The following AK1 variants were observed in gnomAD, a reference collection of about 807,000 sequenced individuals.
AK1 encodes the protein adenylate kinase isoenzyme 1.
A neutral mutation model predicts 23.9 loss-of-function variants in AK1; 13 were observed. The ratio of observed to expected loss-of-function variants is 0.54; its 90% CI spans 0.35 to 0.86. The LOEUF (loss-of-function observed/expected upper bound fraction) is 0.86, where lower values mean the gene tolerates loss of function less well. AK1 is among the 40% of genes least tolerant of loss of function. The probability of loss-of-function intolerance (pLI) is 0.01; values close to 1 mark genes in which losing one functional copy is unlikely to be tolerated. For missense variants in AK1, 214 were observed against 255.1 expected (o/e 0.84, Z 1.10); for synonymous variants, 97 against 102.8 (o/e 0.94, Z 0.34).
chr9:127,873,557 T>A, intron 2 of AK1: 1 of 1,434,580 alleles, frequency 7.0e-7, no homozygotes, highest in Non-Finnish European at 9.1e-7. Flanking sequence ...CCACAACATA[T>A]GTTGCCATGG....
chr9:127,879,112 G>A (rs1032832513), upstream of AK1, among the ~76,000 whole-genome samples: 11 of 150,330 alleles, frequency 7.3e-5, no homozygotes, highest in Non-Finnish European at 2.9e-5. Flanking sequence ...GTCTTCAAAT[G>A]CGCCCTTCTA....
Position 127,872,736 on chromosome 9 carries a change from C to A in AK1, c.161G>T (p.Gly54Val), listed in dbSNP as rs1829443751. 1.2e-6 allele frequency: 2 copies of A among 1,614,166 alleles called. No homozygotes were observed. Among genetic ancestry groups the A allele is most frequent in the Non-Finnish European group, 1.7e-6 (2 of 1,180,032 alleles). Residue 54 changes from glycine (G) to valine (V), a missense_variant, in exon 4 of 7, where the codon GGC (glycine) becomes GTC (valine). Physicochemically the swap from Gly to Val is moderately radical, Grantham distance 109. Coordinates refer to ENST00000644144, the MANE Select transcript of AK1 (RefSeq NM_000476.3). ...RSEVSSGSARGKKLSEIMEKG... is the reference protein window; with the variant it reads ...RSEVSSGSARVKKLSEIMEKG... Reference sequence around the variant, plus strand: ...CTCCATGATTTCCGACAGCTTCTTGCCCCTGGCCGAGCCTGAGCTGACCTC... The same window carrying A: ...CTCCATGATTTCCGACAGCTTCTTGACCCTGGCCGAGCCTGAGCTGACCTC...
At chr9:127,876,666 C>T (rs895444084) in intron 1 of AK1, among the ~76,000 whole-genome samples, 4 of 151,122 alleles carry the variant, frequency 2.6e-5, no homozygotes, top group South Asian at 2.1e-4. Context: ...CGCCCTGCCC[C>T]GCCCCCCTCC....
Position 127,872,802 on chromosome 9 carries a change from T to C in AK1, c.95A>G (p.Tyr32Cys). 6.2e-7 allele frequency: 1 copy of C among 1,614,026 alleles called. No homozygotes were observed. The highest frequency in any genetic ancestry group is 8.5e-7 in the Non-Finnish European group (1 of 1,180,006). ...CCCGGTGGAGAGGTGGGTGTAGCCA[T>C]ACTTCTGCACGATCTTCTCACACTG... is the stretch of plus-strand genomic sequence containing the variant. Reference protein sequence around the residue: ...GTQCEKIVQKYGYTHLSTGDL... With the variant: ...GTQCEKIVQKCGYTHLSTGDL... The change falls in exon 4 of 7, where the codon TAT becomes TGT. Residue 32 changes from tyrosine (Y) to cysteine (C), a missense_variant. Transcript: ENST00000644144.
chr9:127,872,748 C>G lies in AK1; in HGVS notation c.149G>C (p.Gly50Ala). ...CGACAGCTTCTTGCCCCTGGCCGAG[C>G]CTGAGCTGACCTCGGACCGCAGGAG... ...GDLLRSEVSSGSARGKKLSEI... is the reference protein window; with the variant it reads ...GDLLRSEVSSASARGKKLSEI... Residue 50 changes from glycine (G) to alanine (A), a missense_variant, in exon 4 of 7, where the codon GGC becomes GCC. Physicochemically the swap from Gly to Ala is moderately conservative, Grantham distance 60. Transcript: ENST00000644144. The G allele has an allele frequency of 6.2e-7, 1 of 1,614,176 alleles. No individual in the cohort carries two copies. The highest frequency in any genetic ancestry group is 8.5e-7 in the Non-Finnish European group (1 of 1,180,020).
rs1829481303 is a variant in AK1 at position 127,874,036 on chromosome 9, AG to A, written c.7+574del. 3 of 985,302 alleles carry A rather than the reference AG, an allele frequency of 3.0e-6. No individual in the cohort carries two copies. In the South Asian group the frequency reaches 1.4e-4, roughly 46 times the overall value. The allele number at this position is 985,302 out of a possible 1,614,324, so 61.0% of individuals were successfully genotyped here. On this transcript the variant is annotated intron_variant, in intron 2 of 6. Coordinates refer to ENST00000644144, the MANE Select transcript of AK1 (RefSeq NM_000476.3). ...CTATGGCTGTTGATATTTGGAGCTC[AG>A]GCAGAGCAGCAGCAGCAGCAGCAGC...
upstream of AK1, among the ~76,000 whole-genome samples, chr9:127,879,109 A>G (rs566542226): frequency 1.0e-4 from 15 of 150,386 alleles, no homozygotes; most frequent in African/African-American, 3.2e-4. Flanking sequence ...ACAGTCTTCA[A>G]ATGCGCCCTT....
rs1829293456 is a variant in AK1, at chr9:127,868,229, G to C, written c.516+92C>G. ...CAGTGGGGAAACCAAGGCCCAGAGAGAGGGGCTGGCCTGAGGCCACACAGT... is the reference window on the plus strand; with the variant it reads ...CAGTGGGGAAACCAAGGCCCAGAGACAGGGGCTGGCCTGAGGCCACACAGT... On this transcript the variant is annotated intron_variant, in intron 6 of 6. Transcript: ENST00000644144. This position sits in a 1 kb window ranked among gnomAD's most constrained non-coding sequence, Gnocchi z 4.1. 3.4e-6 allele frequency: 5 copies of C among 1,465,588 alleles called. No individual in the cohort carries two copies. The South Asian group carries it at 6.0e-5, about 18-fold the overall frequency. The allele number at this position is 1,465,588 out of a possible 1,614,324, so 90.8% of individuals were successfully genotyped here.
At chr9:127,872,899 G>C (rs1458124660) in intron 3 of AK1, 46 bp from the exon 4 acceptor site, 2 of 1,613,416 alleles carry the variant, frequency 1.2e-6, no homozygotes, top group Non-Finnish European at 1.7e-6. Context: ...CAGGGTCCCA[G>C]GAGGAACAGG....
chr9:127,873,427 C>A, intron 2 of AK1: 1 of 1,562,748 alleles, frequency 6.4e-7, no homozygotes, highest in Non-Finnish European at 8.6e-7. Flanking sequence ...CTGCGGGGGT[C>A]ACTCGAGGAG....
At chr9:127,875,185 C>T (rs1829509525) in intron 1 of AK1, among the ~76,000 whole-genome samples, 1 of 152,172 alleles carries the variant, frequency 6.6e-6, no homozygotes, top group East Asian at 1.9e-4. Flanking sequence ...AGGAGCCGCT[C>T]GCATGAACAC....
Position 127,867,900 on chromosome 9 carries a change from G to T in AK1, c.*108C>A. ...GAAAACAGGATAAGCGGCTTCCTCCGTCTGTGCTCAGCAGGGCAGGGTGGA... is the reference window on the plus strand; with the variant it reads ...GAAAACAGGATAAGCGGCTTCCTCCTTCTGTGCTCAGCAGGGCAGGGTGGA... On this transcript the variant is annotated 3_prime_UTR_variant, in exon 7 of 7. Transcript: ENST00000644144. The T allele has an allele frequency of 9.3e-7, 1 of 1,071,670 alleles. No homozygotes were observed. Among genetic ancestry groups the T allele is most frequent in the South Asian group, 1.3e-5 (1 of 79,126 alleles). 66.4% of individuals were successfully genotyped at this position (1,071,670 alleles called of 1,614,324 possible). A position where few individuals can be genotyped will look rare whatever the true frequency, so the allele number is the denominator to read the frequency against.
rs1378708857 is a variant in AK1, at chr9:127,871,770, G to A, written c.324+53C>T. The A allele has an allele frequency of 2.0e-6, 3 of 1,485,868 alleles. No individual in the cohort carries two copies. In the East Asian group the frequency reaches 6.8e-5, roughly 34 times the overall value. 92.0% of individuals were successfully genotyped at this position (1,485,868 alleles called of 1,614,324 possible). On this transcript the variant is annotated intron_variant, in intron 5 of 6. Coordinates refer to ENST00000644144, the MANE Select transcript of AK1 (RefSeq NM_000476.3). The surrounding 1 kb of genome is among the most constrained non-coding windows in gnomAD (Gnocchi z 4.4). ...CCCGCAGGCCCGCCCATGGGGATGG[G>A]AGTCTTATCCTGCCCCAGCCCACCA...
chr9:127,876,541 G>A (rs1051814294), intron 1 of AK1, among the ~76,000 whole-genome samples: 2 of 152,194 alleles, frequency 1.3e-5, no homozygotes, highest in Middle Eastern at 3.2e-3. Flanking sequence ...TTCCTGCTGA[G>A]TGTGCTTCAG....
upstream of AK1, chr9:127,878,263 A>G (rs1211756324): frequency 6.6e-6 from 1 of 152,250 alleles, no homozygotes. Flanking sequence ...CCAGTAAGGT[A>G]GAAGATTATA....
intron 2 of AK1, 61 bp from the exon 3 acceptor site, chr9:127,873,122 C>A (rs903220802): frequency 1.3e-6 from 2 of 1,588,448 alleles, no homozygotes; most frequent in Admixed American, 1.8e-5. Context: ...CCAGAGGCAC[C>A]TCTGGAGTCC....
chr9:127,867,764 G>C lies in AK1; in HGVS notation c.*244C>G. The C allele has an allele frequency of 2.0e-6, 1 of 504,978 alleles. No homozygotes were observed. The highest frequency in any genetic ancestry group is 2.1e-5 in the South Asian group (1 of 48,404). The allele number at this position is 504,978 out of a possible 1,614,324, so 31.3% of individuals were successfully genotyped here. A position where few individuals can be genotyped will look rare whatever the true frequency, so the allele number is the denominator to read the frequency against. ...GGAGGAACGGAGGGTTGAGGGGCTGGGGACTTGCGGCCAGGTAGGCACAAG... is the reference window on the plus strand; with the variant it reads ...GGAGGAACGGAGGGTTGAGGGGCTGCGGACTTGCGGCCAGGTAGGCACAAG... On this transcript the variant is annotated 3_prime_UTR_variant, in exon 7 of 7. Transcript: ENST00000644144.
chr9:127,871,740 C>A lies in AK1; in HGVS notation c.324+83G>T. The A allele has an allele frequency of 8.8e-7, 1 of 1,130,726 alleles. No individual in the cohort carries two copies. The highest frequency in any genetic ancestry group is 1.3e-6 in the Non-Finnish European group (1 of 751,846). The allele number at this position is 1,130,726 out of a possible 1,614,324, so 70.0% of individuals were successfully genotyped here. On this transcript the variant is annotated intron_variant, in intron 5 of 6. Transcript: ENST00000644144. The surrounding 1 kb of genome is among the most constrained non-coding windows in gnomAD (Gnocchi z 4.4). ...CTGCTCAGAACTCTGACCTGCATCA[C>A]AGCCCCCGCAGGCCCGCCCATGGGG... is the stretch of plus-strand genomic sequence containing the variant.
rs1443861167 is a variant in AK1 at position 127,872,919 on chromosome 9, G to T, written c.44-66C>A. 7 of 1,612,772 alleles carry T rather than the reference G, an allele frequency of 4.3e-6. No homozygotes were observed. The African/African-American group carries it at 6.7e-5, about 15-fold the overall frequency. On this transcript the variant is annotated intron_variant, in intron 3 of 6. Transcript: ENST00000644144. ...TCCCAGGAGGAACAGGGGCTGCCAG[G>T]GTCTCCCAGAGAGGGAGGGGCAGAG...
Sources: allele counts gnomAD v4.1 joint callset (sites outside exome capture counted in the v4.1 genomes callset), GRCh38; gene constraint gnomAD v4.1.1; non-coding constraint Gnocchi (gnomAD v3.1); transcripts MANE v1.5; gene names NCBI Gene and HGNC (gene_info 2026-07-23, HGNC 2026-07-21).